Variants in PCDHA8 observed in about 807,000 individuals in gnomAD.
PCDHA8 encodes protocadherin alpha 8, also known as protocadherin alpha-8.
A neutral mutation model predicts 61.8 loss-of-function variants in PCDHA8; 53 were observed. That is an observed-to-expected ratio of 0.86 (90% CI 0.69 to 1.08). PCDHA8 has a LOEUF of 1.08. Ranked by LOEUF, PCDHA8 falls within the 50% of genes least tolerant of loss-of-function variation. The pLI is 0.00. For synonymous variants in PCDHA8, 618 were observed against 556.6 expected (o/e 1.11, Z -1.55); for missense variants, 1,293 against 1,245.0 (o/e 1.04, Z -0.58).
intron 3 of PCDHA8, among the ~76,000 whole-genome samples, chr5:141,003,892 C>T (rs1401621234): frequency 6.6e-6 from 1 of 152,124 alleles, no homozygotes; most frequent in South Asian, 2.1e-4. Context: ...TCTTAACAGG[C>T]CCATTCATTT....
intron 1 of PCDHA8, among the ~76,000 whole-genome samples, chr5:140,910,994 CT>C (rs1312142604): frequency 2.0e-5 from 3 of 152,222 alleles, no homozygotes; most frequent in African/African-American, 7.2e-5. Flanking sequence ...AACCTCACCC[CT>C]AGGGCCCTCC....
chr5:140,977,482 A>G lies in PCDHA8; in HGVS notation c.2395-1467A>G, dbSNP rs3776112. ...TTTGGTCTGTAGATAATTTTATGCTATGTTATATGGAATATCCACAGCATT... is the reference window on the plus strand; with the variant it reads ...TTTGGTCTGTAGATAATTTTATGCTGTGTTATATGGAATATCCACAGCATT... On this transcript the variant is annotated intron_variant, in intron 1 of 3. Coordinates refer to ENST00000531613, the MANE Select transcript of PCDHA8 (RefSeq NM_018911.3). Among the ~76,000 whole-genome samples the G allele has an allele frequency of 3.0e-4, 46 of 152,350 alleles. No homozygotes were observed. The East Asian group carries it at 5.4e-3, about 18-fold the overall frequency.
intron 1 of PCDHA8, chr5:140,928,403 G>A (rs1554205862): frequency 6.2e-7 from 1 of 1,613,964 alleles, no homozygotes; most frequent in Non-Finnish European, 8.5e-7. Context: ...GAATCATCCA[G>A]TGGGGCCATC....
intron 1 of PCDHA8, among the ~76,000 whole-genome samples, chr5:140,949,594 G>C (rs914390039): frequency 6.6e-6 from 1 of 151,450 alleles, no homozygotes; most frequent in African/African-American, 2.4e-5. Context: ...ATATTAATGT[G>C]GCCATTCTAG....
chr5:140,843,297 T>C lies in PCDHA8; in HGVS notation c.1976T>C (p.Leu659Pro). The C allele has an allele frequency of 6.3e-7, 1 of 1,595,944 alleles. No homozygotes were observed. The highest frequency in any genetic ancestry group is 8.6e-7 in the Non-Finnish European group (1 of 1,165,560). Residue 659 changes from leucine (L) to proline (P), a missense_variant, in exon 1 of 4, where the codon CTG (leucine) becomes CCG (proline). Leu to Pro is a moderately conservative substitution (Grantham distance 98). Transcript: ENST00000531613. ...VLVKDHGEPALTATATVLVSL... is the reference protein window; with the variant it reads ...VLVKDHGEPAPTATATVLVSL... ...GTGAAGGATCATGGTGAACCTGCGC[T>C]GACCGCCACGGCCACGGTTCTGGTG...
chr5:140,869,247 C>A (rs1186478553), intron 1 of PCDHA8: 2 of 1,613,526 alleles, frequency 1.2e-6, no homozygotes, highest in Admixed American at 3.3e-5. Context: ...TGGGCCGCAT[C>A]GCGCAGGACC....
chr5:140,881,995 T>C, intron 1 of PCDHA8: 1 of 464,062 alleles, frequency 2.2e-6, no homozygotes, highest in Middle Eastern at 5.9e-4. Flanking sequence ...TGTCAGGAAA[T>C]GCAAGGGGCA....
rs183542590 is a variant in PCDHA8 at position 140,969,555 on chromosome 5, C to T, written c.2395-9394C>T. On this transcript the variant is annotated intron_variant, in intron 1 of 3. Coordinates refer to ENST00000531613, the MANE Select transcript of PCDHA8 (RefSeq NM_018911.3). ...CATTTTCAGAGGCATGAAGCCTTGT[C>T]CATAAAATTGTTTGAGAAGTGAGGA... The T allele has an allele frequency of 1.2e-5, 15 of 1,213,382 alleles. 1 individual carries two copies. The highest frequency in any genetic ancestry group is 1.7e-5 in the South Asian group (1 of 59,354). The allele number at this position is 1,213,382 out of a possible 1,614,324, so 75.2% of individuals were successfully genotyped here. A position where few individuals can be genotyped will look rare whatever the true frequency, so the allele number is the denominator to read the frequency against.
chr5:140,926,805 G>T (rs1383202456), intron 1 of PCDHA8: 3 of 1,452,468 alleles, frequency 2.1e-6, no homozygotes, highest in East Asian at 5.0e-5. Flanking sequence ...GCTCTTCCCC[G>T]CGGCTCGTGC....
chr5:140,950,914 T>G (rs1198787949), intron 1 of PCDHA8, among the ~76,000 whole-genome samples: 1 of 152,044 alleles, frequency 6.6e-6, no homozygotes, highest in Non-Finnish European at 1.5e-5. Context: ...TTTATTTTAT[T>G]TCAGTTCTTT....
intron 1 of PCDHA8, among the ~76,000 whole-genome samples, chr5:140,873,279 A>G (rs1292548146): frequency 6.6e-6 from 1 of 152,200 alleles, no homozygotes; most frequent in African/African-American, 2.4e-5. Flanking sequence ...CCATCATACC[A>G]CTTATGAAAC....
At chr5:140,844,055 G>A (rs1371474280) in intron 1 of PCDHA8, among the ~76,000 whole-genome samples, 1 of 149,532 alleles carries the variant, frequency 6.7e-6, no homozygotes, top group Non-Finnish European at 1.5e-5. Flanking sequence ...TTCCCCCAAA[G>A]CGTTTATTCT....
At chr5:140,949,932 TA>T (rs1438940739) in intron 1 of PCDHA8, among the ~76,000 whole-genome samples, 2 of 151,648 alleles carry the variant, frequency 1.3e-5, no homozygotes, top group African/African-American at 2.4e-5. Context: ...AGATTTTTTT[TA>T]ATTTGCATTT....
chr5:140,980,044 T>G (rs1249451662), intron 2 of PCDHA8, among the ~76,000 whole-genome samples: 11 of 152,258 alleles, frequency 7.2e-5, no homozygotes, highest in Non-Finnish European at 1.5e-4. Flanking sequence ...GGGTGCTATT[T>G]CTGATTCAGA....
intron 1 of PCDHA8, chr5:140,884,468 C>T (rs925441051): frequency 2.5e-6 from 4 of 1,613,762 alleles, no homozygotes; most frequent in Non-Finnish European, 3.4e-6. Flanking sequence ...CGCGTGCGCG[C>T]CGGGCAAGCC....
At chr5:140,927,590 T>C (rs782100491) in intron 1 of PCDHA8, 21 of 1,614,058 alleles carry the variant, frequency 1.3e-5, no homozygotes, top group Non-Finnish European at 1.4e-5. Flanking sequence ...GCGCCTGTAT[T>C]TGAGCGCTCC....
chr5:140,938,439 A>C (rs2092064072), intron 1 of PCDHA8, among the ~76,000 whole-genome samples: 1 of 152,208 alleles, frequency 6.6e-6, no homozygotes, highest in African/African-American at 2.4e-5. Flanking sequence ...TATCAGATTT[A>C]TTAAGTTCCC....
chr5:140,889,032 AT>A (rs1357652460), intron 1 of PCDHA8, among the ~76,000 whole-genome samples: 12 of 152,198 alleles, frequency 7.9e-5, no homozygotes, highest in South Asian at 6.2e-4. Context: ...GATAACCGTA[AT>A]TTGATTATAA....
Position 140,842,275 on chromosome 5 carries a change from C to A in PCDHA8, c.954C>A (p.Ile318=). The A allele has an allele frequency of 1.2e-6, 2 of 1,610,286 alleles. No homozygotes were observed. The highest frequency in any genetic ancestry group is 8.5e-7 in the Non-Finnish European group (1 of 1,176,756). The part of the protein sequence containing the change: ...LDFEQENLYK[I]LIDATDKGHP... Reference sequence around the variant, plus strand: ...TTGAACAAGAAAACTTATACAAAATCCTCATTGACGCCACGGACAAAGGCC... The same window carrying A: ...TTGAACAAGAAAACTTATACAAAATACTCATTGACGCCACGGACAAAGGCC... Residue 318 remains isoleucine (I), a synonymous_variant, in exon 1 of 4, where the codon ATC becomes ATA. Coordinates refer to ENST00000531613, the MANE Select transcript of PCDHA8 (RefSeq NM_018911.3).
Sources: allele counts gnomAD v4.1 joint callset (sites outside exome capture counted in the v4.1 genomes callset), GRCh38; gene constraint gnomAD v4.1.1; transcripts MANE v1.5; gene names NCBI Gene and HGNC (gene_info 2026-07-23, HGNC 2026-07-21).